DENND1B: variants seen among roughly 807,000 people sequenced by gnomAD.
DENND1B encodes the protein DENN domain-containing protein 1B.
In DENND1B, 59 loss-of-function variants were observed where a neutral mutation model predicts 90.1. That is an observed-to-expected ratio of 0.65 (90% CI 0.53 to 0.81). The LOEUF is 0.81. Among genes scored for constraint, DENND1B ranks in the 40% least tolerant of loss-of-function variants. DENND1B has a pLI of 0.00. For missense variants in DENND1B, 862 were observed against 912.6 expected (o/e 0.94, Z 0.71); for synonymous variants, 337 against 324.6 (o/e 1.04, Z -0.41).
chr1:197,683,633 T>C (rs1015266104), intron 3 of DENND1B, among the ~76,000 whole-genome samples: 2 of 152,134 alleles, frequency 1.3e-5, no homozygotes, highest in African/African-American at 2.4e-5. Flanking sequence ...GTAAGAGATA[T>C]TAGTATTGTA....
At chr1:197,621,196 A>C (rs1330038943) in intron 10 of DENND1B, among the ~76,000 whole-genome samples, 1 of 151,356 alleles carries the variant, frequency 6.6e-6, no homozygotes, top group Non-Finnish European at 1.5e-5. Flanking sequence ...CAAAGACTCT[A>C]AATATTATTC....
intron 14 of DENND1B, among the ~76,000 whole-genome samples, chr1:197,587,972 G>A (rs1674856624): frequency 6.6e-6 from 1 of 151,910 alleles, no homozygotes; most frequent in Non-Finnish European, 1.5e-5. Flanking sequence ...TCATAATAGG[G>A]GTTTTGCTCC....
chr1:197,675,099 A>G (rs545868315), intron 3 of DENND1B, among the ~76,000 whole-genome samples: 2 of 152,264 alleles, frequency 1.3e-5, no homozygotes, highest in East Asian at 1.9e-4. Context: ...CTTCAAAGTC[A>G]GGCAATTTTA....
At chr1:197,643,521 TG>T (rs1680468245) in intron 9 of DENND1B, among the ~76,000 whole-genome samples, 1 of 152,144 alleles carries the variant, frequency 6.6e-6, no homozygotes. Context: ...CAGAAACCGC[TG>T]CCCCAGACAA....
chr1:197,768,277 A>G (rs77210866), intron 2 of DENND1B, among the ~76,000 whole-genome samples: 1 of 149,750 alleles, frequency 6.7e-6, no homozygotes, highest in Non-Finnish European at 1.5e-5. Flanking sequence ...TCCTCCTCCT[A>G]CTACTACTGC....
intron 5 of DENND1B, among the ~76,000 whole-genome samples, chr1:197,668,481 TA>T (rs1004000028): frequency 3.2e-4 from 48 of 152,002 alleles, no homozygotes; most frequent in African/African-American, 1.2e-3. Context: ...TCAACACTTT[TA>T]AATTTATTTT....
At chr1:197,636,692 ACAT>A (rs1417505152) in intron 10 of DENND1B, among the ~76,000 whole-genome samples, 1 of 152,212 alleles carries the variant, frequency 6.6e-6, no homozygotes, top group Non-Finnish European at 1.5e-5. Flanking sequence ...ATTATTAATA[ACAT>A]CATCATTTTA....
At chr1:197,626,337 G>A (rs1456672685) in intron 10 of DENND1B, among the ~76,000 whole-genome samples, 2 of 152,090 alleles carry the variant, frequency 1.3e-5, no homozygotes, top group Non-Finnish European at 2.9e-5. Flanking sequence ...AGACCACAGG[G>A]CAATCGAACT....
intron 20 of DENND1B, among the ~76,000 whole-genome samples, chr1:197,536,160 T>TGAGAGG (rs1553278763): frequency 1.6e-5 from 2 of 126,234 alleles, no homozygotes; most frequent in African/African-American, 6.3e-5. Context: ...GAGAGAGAGA[T>TGAGAGG]AGATGAGATG....
intron 22 of DENND1B, 90 bp from the exon 23 acceptor site, chr1:197,511,062 G>A (rs951613709): frequency 4.2e-5 from 52 of 1,251,682 alleles, no homozygotes; most frequent in African/African-American, 2.0e-4. Context: ...TGTTAATAGC[G>A]TTAAGTTCCT....
At chr1:197,592,801 G>GT (rs1675353182) in intron 14 of DENND1B, among the ~76,000 whole-genome samples, 1 of 152,094 alleles carries the variant, frequency 6.6e-6, no homozygotes, top group South Asian at 2.1e-4. Flanking sequence ...TACAGGTTTA[G>GT]TTTTGTTAAA....
intron 2 of DENND1B, 44 bp downstream of exon 2, chr1:197,772,824 A>G: frequency 6.6e-7 from 1 of 1,514,100 alleles, no homozygotes; most frequent in African/African-American, 1.4e-5. Context: ...CTTGTCCCAA[A>G]AAAAAGAGAC....
intron 20 of DENND1B, among the ~76,000 whole-genome samples, chr1:197,524,130 A>T (rs1668976644): frequency 6.6e-6 from 1 of 152,234 alleles, no homozygotes; most frequent in South Asian, 2.1e-4. Flanking sequence ...CAAACAAAAA[A>T]ATCAACAAGA....
intron 13 of DENND1B, chr1:197,606,080 A>G (rs1192134296): frequency 6.6e-6 from 1 of 151,164 alleles, no homozygotes; most frequent in Non-Finnish European, 1.5e-5. Flanking sequence ...TTAAAAAGGA[A>G]GTTATTTTAA....
At chr1:197,608,846 A>C (rs560407214) in intron 12 of DENND1B, among the ~76,000 whole-genome samples, 11 of 150,742 alleles carry the variant, frequency 7.3e-5, no homozygotes, top group South Asian at 4.1e-4. Context: ...CTGAATATTA[A>C]ATTTTATTTA....
chr1:197,645,616 C>T (rs578213477), intron 9 of DENND1B, 74 bp downstream of exon 9: 30 of 807,744 alleles, frequency 3.7e-5, no homozygotes, highest in East Asian at 3.3e-4. Context: ...TATATAAAAA[C>T]GCATAAACAG....
chr1:197,761,299 A>T (rs1177207839), intron 2 of DENND1B, among the ~76,000 whole-genome samples: 1 of 152,136 alleles, frequency 6.6e-6, no homozygotes, highest in Non-Finnish European at 1.5e-5. Flanking sequence ...GACCTTCAAA[A>T]ATATTTTCTA....
intron 11 of DENND1B, among the ~76,000 whole-genome samples, chr1:197,612,290 A>C (rs1399315857): frequency 6.6e-6 from 1 of 150,666 alleles, no homozygotes; most frequent in East Asian, 2.0e-4. Flanking sequence ...TCTAGGCCAT[A>C]GTCTGAATTG....
chr1:197,615,050 T>C lies in DENND1B; in HGVS notation c.773+2609A>G, dbSNP rs546740815. Among the ~76,000 whole-genome samples, 5 of 151,194 alleles carry C rather than the reference T, an allele frequency of 3.3e-5. No homozygotes were observed. In the East Asian group the frequency reaches 9.8e-4, roughly 30 times the overall value. ...TAAGCTACCAGGGACTGTAGGCCAC[T>C]TCTTCTTATGTGTTGCCATCCATGG... On this transcript the variant is annotated intron_variant, in intron 11 of 22. Coordinates refer to ENST00000620048, the MANE Select transcript of DENND1B (RefSeq NM_001195215.2).
Sources: gnomAD v4.1 joint callset for allele counts (sites outside exome capture counted in the v4.1 genomes callset) on GRCh38, gnomAD v4.1.1 for gene constraint, MANE v1.5 for transcripts, NCBI Gene and HGNC (gene_info 2026-07-23, HGNC 2026-07-21) for gene names.